Variants in SLCO5A1 observed in about 807,000 individuals in gnomAD.
SLCO5A1 encodes the protein solute carrier organic anion transporter family member 5A1.
Under a neutral mutation model 65.1 loss-of-function variants are expected in SLCO5A1, and 39 were observed. The ratio of observed to expected loss-of-function variants is 0.60; its 90% confidence interval spans 0.46 to 0.78. The LOEUF (loss-of-function observed/expected upper bound fraction) is 0.78. Ranked by LOEUF, SLCO5A1 falls within the 30% of genes least tolerant of loss-of-function variation. The pLI is 0.00. For missense variants in SLCO5A1, 1,029 were observed against 1,069.4 expected (o/e 0.96, Z 0.53); for synonymous variants, 438 against 415.7 (o/e 1.05, Z -0.65).
intron 2 of SLCO5A1, among the ~76,000 whole-genome samples, chr8:69,809,971 C>A (rs527604213): frequency 6.6e-6 from 1 of 152,324 alleles, no homozygotes; most frequent in South Asian, 2.1e-4. Context: ...GTCTCACTAA[C>A]ACTGGACTAT....
chr8:69,738,801 G>A (rs1816677303), intron 4 of SLCO5A1, among the ~76,000 whole-genome samples: 2 of 152,208 alleles, frequency 1.3e-5, no homozygotes, highest in African/African-American at 4.8e-5. Flanking sequence ...TCTCCAAAGA[G>A]GAAGGAGAGC....
chr8:69,806,553 A>G (rs1252790996), intron 2 of SLCO5A1, among the ~76,000 whole-genome samples: 1 of 152,204 alleles, frequency 6.6e-6, no homozygotes, highest in Admixed American at 6.5e-5. Context: ...TAAATTAACA[A>G]GATGAACCAG....
intron 5 of SLCO5A1, among the ~76,000 whole-genome samples, chr8:69,707,431 C>T (rs1285268140): frequency 6.6e-6 from 1 of 151,930 alleles, no homozygotes; most frequent in Non-Finnish European, 1.5e-5. Flanking sequence ...TGCACAGAGG[C>T]ATGAAATAAC....
intron 6 of SLCO5A1, chr8:69,700,539 C>T (rs1169595166): frequency 6.6e-6 from 1 of 152,114 alleles, no homozygotes; most frequent in Non-Finnish European, 1.5e-5. Context: ...ATAATAGTCT[C>T]CAGTCAGAAA....
Position 69,721,474 on chromosome 8 carries a change from T to C in SLCO5A1, c.1424-16245A>G, listed in dbSNP as rs190065345. Among the ~76,000 whole-genome samples, 36 of 152,358 alleles carry C rather than the reference T, an allele frequency of 2.4e-4. No homozygotes were observed. In the East Asian group the frequency reaches 6.2e-3, roughly 26 times the overall value. On this transcript the variant is annotated intron_variant, in intron 5 of 9. Transcript: ENST00000260126. ...AGATGAGTGATTCACCTCGAATCATTGGCTAATTAATGCCAGAGCAAGGCC... is the reference window on the plus strand; with the variant it reads ...AGATGAGTGATTCACCTCGAATCATCGGCTAATTAATGCCAGAGCAAGGCC...
chr8:69,687,897 T>C (rs1167282641), intron 6 of SLCO5A1, among the ~76,000 whole-genome samples: 1 of 151,878 alleles, frequency 6.6e-6, no homozygotes, highest in African/African-American at 2.4e-5. Context: ...CATATGTTAA[T>C]ATAAGGGTAT....
chr8:69,692,731 C>G (rs1240730104), intron 6 of SLCO5A1, among the ~76,000 whole-genome samples: 1 of 152,098 alleles, frequency 6.6e-6, no homozygotes, highest in East Asian at 1.9e-4. Flanking sequence ...ATCACTGTCT[C>G]CCACCCCCAT....
chr8:69,780,510 G>A (rs920397038), intron 2 of SLCO5A1, among the ~76,000 whole-genome samples: 2 of 152,180 alleles, frequency 1.3e-5, no homozygotes, highest in African/African-American at 4.8e-5. Flanking sequence ...CAACATGAAT[G>A]TAACTGGAGT....
intron 2 of SLCO5A1, among the ~76,000 whole-genome samples, chr8:69,800,539 C>T (rs1196373186): frequency 6.6e-6 from 1 of 152,040 alleles, no homozygotes; most frequent in Non-Finnish European, 1.5e-5. Flanking sequence ...AAAGGGATAC[C>T]AACTGGCATC....
At chr8:69,698,547 T>C (rs896564007) in intron 6 of SLCO5A1, among the ~76,000 whole-genome samples, 11 of 152,254 alleles carry the variant, frequency 7.2e-5, no homozygotes, top group Admixed American at 5.9e-4. Context: ...GTAATAGCCA[T>C]TCTGACTGAT....
intron 5 of SLCO5A1, among the ~76,000 whole-genome samples, chr8:69,714,406 G>A (rs534546379): frequency 3.3e-5 from 5 of 152,338 alleles, no homozygotes; most frequent in African/African-American, 1.2e-4. Context: ...ACCTGAAGAA[G>A]CCTTTAGGCA....
chr8:69,827,581 C>G (rs1288629826), intron 2 of SLCO5A1, among the ~76,000 whole-genome samples: 4 of 152,012 alleles, frequency 2.6e-5, no homozygotes, highest in African/African-American at 9.7e-5. Flanking sequence ...TGTTTCTGCT[C>G]GTAATTACTA....
intron 2 of SLCO5A1, among the ~76,000 whole-genome samples, chr8:69,774,890 C>T (rs1047248368): frequency 4.6e-5 from 7 of 152,192 alleles, no homozygotes. Flanking sequence ...TACATATTCC[C>T]TGAAAAATAG....
chr8:69,674,142 T>C (rs73686113), intron 9 of SLCO5A1, among the ~76,000 whole-genome samples: 4,364 of 152,334 alleles, frequency 0.029, 221 homozygotes, highest in African/African-American at 0.099. Flanking sequence ...GCCATCATAT[T>C]CTCACTGCAT....
At chr8:69,762,428 C>T (rs575770133) in intron 2 of SLCO5A1, among the ~76,000 whole-genome samples, 35 of 152,056 alleles carry the variant, frequency 2.3e-4, no homozygotes, top group South Asian at 1.5e-3. Flanking sequence ...CCTCATGATC[C>T]ACCTGCCTCG....
At chr8:69,759,921 A>G (rs776961265) in intron 3 of SLCO5A1, among the ~76,000 whole-genome samples, 1 of 152,204 alleles carries the variant, frequency 6.6e-6, no homozygotes, top group Non-Finnish European at 1.5e-5. Context: ...AGTTGGGATT[A>G]CAGGCATGAG....
intron 8 of SLCO5A1, among the ~76,000 whole-genome samples, chr8:69,678,721 G>A (rs2130786260): frequency 6.7e-6 from 1 of 148,280 alleles, no homozygotes; most frequent in East Asian, 2.0e-4. Flanking sequence ...TTTTTAATAG[G>A]ACAAAAGTAG....
chr8:69,823,989 A>G (rs1252067332), intron 2 of SLCO5A1, among the ~76,000 whole-genome samples: 1 of 152,256 alleles, frequency 6.6e-6, no homozygotes, highest in Non-Finnish European at 1.5e-5. Flanking sequence ...AAACTGCTCC[A>G]CTACATGGAA....
chr8:69,698,537 G>A (rs1814592820), intron 6 of SLCO5A1, among the ~76,000 whole-genome samples: 2 of 152,116 alleles, frequency 1.3e-5, no homozygotes, highest in Non-Finnish European at 2.9e-5. Context: ...TTACTTTTTA[G>A]TAATAGCCAT....
Sources: gnomAD v4.1 joint callset for allele counts (sites outside exome capture counted in the v4.1 genomes callset) on GRCh38, gnomAD v4.1.1 for gene constraint, MANE v1.5 for transcripts, NCBI Gene and HGNC (gene_info 2026-07-23, HGNC 2026-07-21) for gene names.